CELF2: variants seen among roughly 807,000 people sequenced by gnomAD.
CELF2 encodes the protein CUG triplet repeat RNA-binding protein 2.
Under a neutral mutation model 62.6 loss-of-function variants are expected in CELF2, and 8 were observed. The ratio of observed to expected loss-of-function variants is 0.13; its 90% confidence interval spans 0.07 to 0.23. The LOEUF is 0.23. Among genes scored for constraint, CELF2 ranks in the 10% least tolerant of loss-of-function variants. The pLI is 1.00. For missense variants in CELF2, 333 were observed against 671.0 expected, an observed-to-expected ratio of 0.50 and a Z score of 5.56; for synonymous variants, 258 against 250.0, an observed-to-expected ratio of 1.03 and a Z score of -0.30.
At position 11,252,594 on chromosome 10, in the gene CELF2, G is replaced by A. The variant is rs757339947; in HGVS notation, c.403+3393G>A. Among the ~76,000 whole-genome samples, 11 of 152,312 alleles carry A rather than the reference G, an allele frequency of 7.2e-5. No homozygotes were observed. The South Asian group carries it at 8.3e-4, about 11-fold the overall frequency. ...GGTGAGCCCCGAAACGTTAGGTTGC[G>A]CTCAGATCAGCCCTGCACTTTGGGA... On this transcript the variant is annotated intron_variant, in intron 4 of 12. Coordinates refer to ENST00000633077, the MANE Select transcript of CELF2 (RefSeq NM_001326342.2).
At chr10:10,516,635 CA>C in the CELF2 span, among the ~76,000 whole-genome samples, 9 of 150,710 alleles carry the variant, frequency 6.0e-5, no homozygotes, top group Non-Finnish European at 1.3e-4. Context: ...ATTTTACTGG[CA>C]AAAGAATTGC....
At chr10:10,863,975 C>T (rs142037144) in intron 1 of CELF2, among the ~76,000 whole-genome samples, 2 of 152,312 alleles carry the variant, frequency 1.3e-5, no homozygotes, top group East Asian at 3.9e-4. Flanking sequence ...GATAGAACCC[C>T]AAACGTCTTC....
chr10:10,467,907 G>A, the CELF2 span, among the ~76,000 whole-genome samples: 1 of 151,966 alleles, frequency 6.6e-6, no homozygotes, highest in Non-Finnish European at 1.5e-5. Context: ...GCACCATCAA[G>A]GTCAAGAGAC....
Position 11,321,332 on chromosome 10 carries a change from C to T in CELF2, c.1240C>T (p.Leu414=). 6.2e-7 allele frequency: 1 copy of T among 1,612,132 alleles called. No homozygotes were observed. The highest frequency in any genetic ancestry group is 1.3e-5 in the African/African-American group (1 of 75,048). ...GTACGCAGCCGCCGCGCTGCCCACTCTGTACAGCCAGAGCCTGCTGCAGCA... is the reference window on the plus strand; with the variant it reads ...GTACGCAGCCGCCGCGCTGCCCACTTTGTACAGCCAGAGCCTGCTGCAGCA... ...QQYAAAALPT[L]YSQSLLQQQS... The change falls in exon 11 of 13, where the codon CTG becomes TTG. Residue 414 remains leucine (L), a synonymous_variant. Transcript: ENST00000633077. The surrounding 1 kb of genome is among the most constrained non-coding windows in gnomAD (Gnocchi z 6.2).
chr10:10,822,225 G>A (rs1022386529), intron 1 of CELF2, among the ~76,000 whole-genome samples: 7 of 152,220 alleles, frequency 4.6e-5, no homozygotes, highest in Admixed American at 1.3e-4. Flanking sequence ...GAAGGGGACC[G>A]GCCTACAGGG....
chr10:10,751,185 G>C, the CELF2 span, among the ~76,000 whole-genome samples: 4 of 152,194 alleles, frequency 2.6e-5, no homozygotes, highest in South Asian at 2.1e-4. Context: ...TGGGATCTTG[G>C]TTTGGGAGTG....
chr10:11,106,408 T>A (rs1229573051), intron 1 of CELF2, among the ~76,000 whole-genome samples: 2 of 152,124 alleles, frequency 1.3e-5, no homozygotes, highest in African/African-American at 2.4e-5. Flanking sequence ...GGCTAATTGT[T>A]CTATTTTTAG....
the CELF2 span, among the ~76,000 whole-genome samples, chr10:10,538,823 G>C: frequency 5.9e-5 from 9 of 152,332 alleles, no homozygotes; most frequent in African/African-American, 2.2e-4. Context: ...TTATGAGCTG[G>C]AAGGAACCAC....
chr10:10,912,400 T>C (rs2063891170), intron 1 of CELF2, among the ~76,000 whole-genome samples: 1 of 152,238 alleles, frequency 6.6e-6, no homozygotes, highest in African/African-American at 2.4e-5. Context: ...CTTACTTTTT[T>C]TTTTGAGATG....
chr10:10,480,549 T>C, the CELF2 span, among the ~76,000 whole-genome samples: 1 of 152,168 alleles, frequency 6.6e-6, no homozygotes, highest in Non-Finnish European at 1.5e-5. Flanking sequence ...GGGGTACACA[T>C]GAGCTATTCA....
chr10:10,619,593 A>C, the CELF2 span, among the ~76,000 whole-genome samples: 1 of 152,106 alleles, frequency 6.6e-6, no homozygotes, highest in Non-Finnish European at 1.5e-5. Flanking sequence ...CATGTTCCCT[A>C]TGGTCTTACC....
chr10:10,851,071 G>C (rs1277441833), intron 1 of CELF2, among the ~76,000 whole-genome samples: 2 of 152,162 alleles, frequency 1.3e-5, no homozygotes, highest in African/African-American at 4.8e-5. Context: ...CTCCCAAAGT[G>C]CTGGGATTAC....
At chr10:11,208,496 C>T (rs1183589049) in intron 2 of CELF2, among the ~76,000 whole-genome samples, 1 of 152,216 alleles carries the variant, frequency 6.6e-6, no homozygotes, top group African/African-American at 2.4e-5. Context: ...CGCTAACAGA[C>T]TGAGCAGGGA....
chr10:10,953,968 T>A (rs2048601662), intron 2 of CELF2, among the ~76,000 whole-genome samples: 2 of 151,938 alleles, frequency 1.3e-5, no homozygotes, highest in South Asian at 4.1e-4. Flanking sequence ...TGAATAATCA[T>A]TTTACAGGAA....
At chr10:10,745,626 G>T in the CELF2 span, among the ~76,000 whole-genome samples, 1 of 152,114 alleles carries the variant, frequency 6.6e-6, no homozygotes, top group Non-Finnish European at 1.5e-5. Flanking sequence ...TCCCTCCATT[G>T]AGTATAACCA....
chr10:11,081,731 A>AT (rs1276874610), intron 1 of CELF2, among the ~76,000 whole-genome samples: 2 of 152,148 alleles, frequency 1.3e-5, no homozygotes, highest in East Asian at 3.9e-4. Flanking sequence ...TACTTGACAC[A>AT]TTTTTTTGCC....
intron 2 of CELF2, among the ~76,000 whole-genome samples, chr10:11,209,691 G>A (rs549448555): frequency 1.8e-4 from 27 of 151,764 alleles, no homozygotes; most frequent in African/African-American, 6.5e-4. Context: ...GGTCCTGGCA[G>A]GGCCAAAGCC....
chr10:10,997,917 C>A lies in CELF2; in HGVS notation c.89+77918C>A, dbSNP rs1273244228. The stretch of plus-strand genomic sequence containing the variant: ...TCACCTTGAATTGTAATAATCCCCA[C>A]GTGTCATGGGAGGGACCCGGTGGGA... On this transcript the variant is annotated intron_variant, in intron 2 of 13. Transcript: ENST00000636488. This position sits in a 1 kb window ranked among gnomAD's most constrained non-coding sequence, Gnocchi z 5.3. Among the ~76,000 whole-genome samples, 1 of 152,150 alleles carries A rather than the reference C, an allele frequency of 6.6e-6. No homozygotes were observed. The highest frequency in any genetic ancestry group is 1.9e-4 in the East Asian group (1 of 5,192).
rs151316009 is a variant in CELF2, at chr10:11,292,386, G to A, written c.976+3834G>A. Among the ~76,000 whole-genome samples, 306 of 152,338 alleles carry A rather than the reference G, an allele frequency of 2.0e-3. 1 individual carries two copies. The highest frequency in any genetic ancestry group is 7.0e-3 in the African/African-American group (293 of 41,574). ...ACCAAAGCAGCTGAATGAGCAGTGG[G>A]AAATGAGAATTCACCCTTGAAGTTA... On this transcript the variant is annotated intron_variant, in intron 9 of 12. Transcript: ENST00000633077.
Sources: allele counts gnomAD v4.1 joint callset (sites outside exome capture counted in the v4.1 genomes callset), GRCh38; gene constraint gnomAD v4.1.1; non-coding constraint Gnocchi (gnomAD v3.1); transcripts MANE v1.5; gene names NCBI Gene and HGNC (gene_info 2026-07-23, HGNC 2026-07-21).